Variants in SLC25A3 observed in about 807,000 individuals in gnomAD.
The protein encoded by SLC25A3 is solute carrier family 25 member 3.
In SLC25A3, 14 loss-of-function variants were observed where a neutral mutation model predicts 37.1. The observed-to-expected ratio is 0.38, with a 90% confidence interval of 0.25 to 0.59. SLC25A3 has a LOEUF of 0.59. SLC25A3 is among the 20% of genes least tolerant of loss of function. SLC25A3 has a pLI of 0.67. For synonymous variants in SLC25A3, 161 were observed against 168.7 expected, an observed-to-expected ratio of 0.95 and a Z score of 0.36; for missense variants, 385 against 458.1, an observed-to-expected ratio of 0.84 and a Z score of 1.46.
Position 98,602,892 on chromosome 12 carries a change from A to C in SLC25A3, c.*1364A>C, listed in dbSNP as rs757608419. ...TGGAGAGAAATGTTACTACAAACTC[A>C]TGGTAAGGTCAGTGAACTCAATTTA... On this transcript the variant is annotated 3_prime_UTR_variant, in exon 8 of 8. Coordinates refer to ENST00000552981, the MANE Select transcript of SLC25A3 (RefSeq NM_002635.4). The C allele has an allele frequency of 2.0e-5, 3 of 152,370 alleles. No individual in the cohort carries two copies. The highest frequency in any genetic ancestry group is 2.1e-4 in the South Asian group (1 of 4,832). The allele number at this position is 152,370 out of a possible 1,614,324, so 9.4% of individuals were successfully genotyped here.
In SLC25A3 at chr12:98,604,263, A is replaced by AAAATATATAT. The variant is rs1302964992; in HGVS notation, c.*2736_*2737insAATATATATA. 3 of 134,592 alleles carry AAAATATATAT rather than the reference A, an allele frequency of 2.2e-5. No homozygotes were observed. The highest frequency in any genetic ancestry group is 8.6e-5 in the African/African-American group (3 of 34,844). 8.3% of individuals were successfully genotyped at this position (134,592 alleles called of 1,614,324 possible). A position where few individuals can be genotyped will look rare whatever the true frequency, so the allele number is the denominator to read the frequency against. On this transcript the variant is annotated 3_prime_UTR_variant, in exon 8 of 8. Coordinates refer to ENST00000552981, the MANE Select transcript of SLC25A3 (RefSeq NM_002635.4). Reference sequence around the variant, plus strand: ...GCGAAACTCTGTCTCAAAAAAAAAAAATATATATATATATATATATATATG... The same window carrying AAAATATATAT: ...GCGAAACTCTGTCTCAAAAAAAAAAAAAATATATATATATATATATATATATATATATATG...
intron 2 of SLC25A3, chr12:98,595,136 T>C: frequency 1.7e-5 from 7 of 400,328 alleles, no homozygotes; most frequent in South Asian, 1.7e-4. Context: ...AAGTGTGCTC[T>C]TACCAGTGGT....
In SLC25A3 at chr12:98,598,422, T is replaced by C. The variant is rs1305203456; in HGVS notation, c.460-100T>C. On this transcript the variant is annotated intron_variant, in intron 4 of 7. Transcript: ENST00000552981. ...TATTCCATATCATCGTGTGTTACTT[T>C]ATAAAATGTCTGAAGCTTAGTTGTT... The C allele has an allele frequency of 4.1e-5, 65 of 1,585,126 alleles. 1 individual carries two copies. Among genetic ancestry groups the C allele is most frequent in the Non-Finnish European group, 4.4e-5 (51 of 1,161,312 alleles).
intron 6 of SLC25A3, chr12:98,600,935 T>G (rs1011173369): frequency 2.2e-6 from 1 of 444,960 alleles, no homozygotes; most frequent in African/African-American, 2.0e-5. Context: ...ACCATTTTTT[T>G]GTTGTTGTTT....
At position 98,601,939 on chromosome 12, in the gene SLC25A3, T is replaced by C. The variant is rs757599299; in HGVS notation, c.*411T>C. The C allele has an allele frequency of 1.3e-5, 3 of 222,434 alleles. No homozygotes were observed. The highest frequency in any genetic ancestry group is 5.3e-5 in the Admixed American group (1 of 18,888). 13.8% of individuals were successfully genotyped at this position (222,434 alleles called of 1,614,324 possible). ...AATTTCTAAAAACTTGATTTAATTA[T>C]AGTTAAATATGTGTAGTCATTTGTG... On this transcript the variant is annotated 3_prime_UTR_variant, in exon 8 of 8. Transcript: ENST00000552981.
At chr12:98,600,352 C>T (rs767405705) in intron 6 of SLC25A3, among the ~76,000 whole-genome samples, 7 of 152,046 alleles carry the variant, frequency 4.6e-5, no homozygotes, top group Admixed American at 2.0e-4. Flanking sequence ...ATTCTTCTGC[C>T]GCAGCCTCCC....
At chr12:98,599,898 C>G in intron 5 of SLC25A3, 57 bp from the exon 6 acceptor site, 5 of 1,591,310 alleles carry the variant, frequency 3.1e-6, no homozygotes, top group Non-Finnish European at 4.3e-6. Context: ...TTAATAATGA[C>G]AGTCTCTGAT....
intron 5 of SLC25A3, among the ~76,000 whole-genome samples, chr12:98,599,445 C>A (rs1302904277): frequency 1.3e-5 from 2 of 151,420 alleles, no homozygotes; most frequent in Non-Finnish European, 2.9e-5. Context: ...AGAACATAAA[C>A]TTGAGAGGTA....
intron 3 of SLC25A3, among the ~76,000 whole-genome samples, chr12:98,596,303 A>G (rs924830638): frequency 6.6e-6 from 1 of 152,250 alleles, no homozygotes; most frequent in African/African-American, 2.4e-5. Flanking sequence ...CCTCTTGTTT[A>G]TTTACACAAC....
chr12:98,593,861 C>T (rs1423342450), intron 1 of SLC25A3, 114 bp from the exon 2 acceptor site: 9 of 1,222,442 alleles, frequency 7.4e-6, no homozygotes, highest in Non-Finnish European at 9.4e-6. Flanking sequence ...GCCGCCGTGA[C>T]CTCTTCAAGG....
chr12:98,598,293 A>T, intron 4 of SLC25A3: 1 of 712,442 alleles, frequency 1.4e-6, no homozygotes. Flanking sequence ...GGGCTCTGGG[A>T]CTCCTTTGCG....
In SLC25A3 at chr12:98,605,100, T is replaced by G. The variant is rs2097600510; in HGVS notation, c.*3572T>G. On this transcript the variant is annotated 3_prime_UTR_variant, in exon 8 of 8. Coordinates refer to ENST00000552981, the MANE Select transcript of SLC25A3 (RefSeq NM_002635.4). The stretch of plus-strand genomic sequence containing the variant: ...TTTTTTATATTTTTATTTTATTTGA[T>G]CCTTGTTCTGAAACCATAAAGTGAG... 6.6e-6 allele frequency: 1 copy of G among 152,226 alleles called. No individual in the cohort carries two copies. Among genetic ancestry groups the G allele is most frequent in the South Asian group, 2.1e-4 (1 of 4,832 alleles). 9.4% of individuals were successfully genotyped at this position (152,226 alleles called of 1,614,324 possible). A position where few individuals can be genotyped will look rare whatever the true frequency, so the allele number is the denominator to read the frequency against.
chr12:98,594,539 A>T (rs2097591352), intron 2 of SLC25A3: 1 of 595,938 alleles, frequency 1.7e-6, no homozygotes, highest in Admixed American at 2.9e-5. Context: ...TCTTAAAAAT[A>T]GTCCTTTCCT....
At chr12:98,596,650 T>C (rs2097593230) in intron 3 of SLC25A3, among the ~76,000 whole-genome samples, 1 of 152,250 alleles carries the variant, frequency 6.6e-6, no homozygotes, top group South Asian at 2.1e-4. Context: ...CTTTATGCTA[T>C]AAGCTACTTA....
At position 98,601,860 on chromosome 12, in the gene SLC25A3, A is replaced by G. The variant is rs1298546154; in HGVS notation, c.*332A>G. 3.9e-6 allele frequency: 1 copy of G among 258,364 alleles called. No homozygotes were observed. The highest frequency in any genetic ancestry group is 7.6e-6 in the Non-Finnish European group (1 of 132,440). The allele number at this position is 258,364 out of a possible 1,614,324, so 16.0% of individuals were successfully genotyped here. On this transcript the variant is annotated 3_prime_UTR_variant, in exon 8 of 8. Transcript: ENST00000552981. ...CCAGTTGCTATTCAGAAATTGTCAT[A>G]TGTCTCAAGTTTTATCACACAAAGT...
chr12:98,595,818 TC>T lies in SLC25A3; in HGVS notation c.253del (p.Leu85TrpfsTer3). ...GTGGTCTGACACACACTGCTGTGGT[TC>T]CCCTGGATTTAGTGAAATGCCGTAT... Reference protein sequence around the residue: ...SCGLTHTAVVPLDLVKCRMQV... With the variant: ...SCGLTHTAVVXLDLVKCRMQV... On this transcript the variant is annotated frameshift_variant, in exon 3 of 8. Transcript: ENST00000552981. LOFTEE classifies it high-confidence loss of function. The T allele has an allele frequency of 6.2e-7, 1 of 1,614,192 alleles. No homozygotes were observed. Among genetic ancestry groups the T allele is most frequent in the Non-Finnish European group, 8.5e-7 (1 of 1,180,020 alleles).
chr12:98,600,512 A>C (rs2097596944), intron 6 of SLC25A3, among the ~76,000 whole-genome samples: 1 of 152,152 alleles, frequency 6.6e-6, no homozygotes, highest in Non-Finnish European at 1.5e-5. Flanking sequence ...TCCTGGGTTC[A>C]AGCGATTCTC....
chr12:98,601,428 G>T lies in SLC25A3; in HGVS notation c.986G>T (p.Trp329Leu). The T allele has an allele frequency of 6.2e-7, 1 of 1,613,920 alleles. No individual in the cohort carries two copies. Among genetic ancestry groups the T allele is most frequent in the Non-Finnish European group, 8.5e-7 (1 of 1,179,872 alleles). The change falls in exon 8 of 8, where the codon TGG becomes TTG. Residue 329 changes from tryptophan (W) to leucine (L), a missense_variant. Trp to Leu is a moderately conservative substitution (Grantham distance 61). Coordinates refer to ENST00000552981, the MANE Select transcript of SLC25A3 (RefSeq NM_002635.4). ...ATTGGTACCCTGACTGCACTACAGT[G>T]GTTTATCTATGACTCCGTGAAGGTC... ...IMIGTLTALQ[W>L]FIYDSVKVYF...
chr12:98,598,226 C>T (rs1206960938), intron 4 of SLC25A3, 191 bp downstream of exon 4: 7 of 681,538 alleles, frequency 1.0e-5, no homozygotes, highest in Middle Eastern at 4.0e-4. Flanking sequence ...TTACAATTCT[C>T]CTTTTAATAT....
Sources: gnomAD v4.1 joint callset for allele counts (sites outside exome capture counted in the v4.1 genomes callset) on GRCh38, gnomAD v4.1.1 for gene constraint, MANE v1.5 for transcripts, NCBI Gene and HGNC (gene_info 2026-07-23, HGNC 2026-07-21) for gene names.